The following RUNX1T1 variants were observed in gnomAD, a reference collection of about 807,000 sequenced individuals.
RUNX1T1 encodes the protein RUNX1 partner transcriptional co-repressor 1.
A neutral mutation model predicts 62.8 loss-of-function variants in RUNX1T1; 4 were observed. That is an observed-to-expected ratio of 0.06 (90% CI 0.03 to 0.15). RUNX1T1 has a LOEUF of 0.15. RUNX1T1 is among the 10% of genes least tolerant of loss of function. The pLI is 1.00. For synonymous variants in RUNX1T1, 291 were observed against 286.0 expected, an observed-to-expected ratio of 1.02 and a Z score of -0.18; for missense variants, 508 against 754.3, an observed-to-expected ratio of 0.67 and a Z score of 3.82.
chr8:92,056,326 C>T (rs2130489436), intron 1 of RUNX1T1, among the ~76,000 whole-genome samples: 1 of 152,216 alleles, frequency 6.6e-6, no homozygotes, highest in South Asian at 2.1e-4. Context: ...ATAAAGACAC[C>T]CTCCTACATC....
chr8:91,992,138 G>A (rs762492383), intron 5 of RUNX1T1, among the ~76,000 whole-genome samples: 2 of 152,110 alleles, frequency 1.3e-5, no homozygotes, highest in African/African-American at 4.8e-5. Flanking sequence ...TTCAGTTGAA[G>A]CTCATGTGGT....
intron 10 of RUNX1T1, among the ~76,000 whole-genome samples, chr8:91,963,466 A>G (rs1352061621): frequency 6.7e-6 from 1 of 149,886 alleles, no homozygotes; most frequent in East Asian, 1.9e-4. Flanking sequence ...TTAAAAGCTC[A>G]TTAGAAAACT....
intron 1 of RUNX1T1, among the ~76,000 whole-genome samples, chr8:92,034,286 T>C (rs1356912880): frequency 6.6e-6 from 1 of 152,118 alleles, no homozygotes; most frequent in African/African-American, 2.4e-5. Context: ...AGAGATCACC[T>C]TGGGGAAAAA....
At chr8:91,983,891 T>TG (rs1563669058) in intron 8 of RUNX1T1, among the ~76,000 whole-genome samples, 1 of 152,096 alleles carries the variant, frequency 6.6e-6, no homozygotes, top group East Asian at 1.9e-4. Flanking sequence ...GGATGCACAG[T>TG]GAAAAAAAAC....
At position 92,096,941 on chromosome 8, in the gene RUNX1T1, G is replaced by A. The variant is rs146923607; in HGVS notation, c.-86+2639C>T. 4.6e-3 allele frequency among the ~76,000 whole-genome samples: 699 copies of A among 152,114 alleles called. 5 individuals are homozygous for A. Among genetic ancestry groups the A allele is most frequent in the African/African-American group, 0.012 (497 of 41,496 alleles). ...CCTCCAAATCACTTGGCCAAAAATC[G>A]GTTTTATGTATAGTTGAGCACCGCC... is the stretch of plus-strand genomic sequence containing the variant. On this transcript the variant is annotated intron_variant, in intron 1 of 11. Transcript: ENST00000265814.
chr8:92,074,346 T>G (rs1228737710), intron 2 of RUNX1T1, among the ~76,000 whole-genome samples: 1 of 152,192 alleles, frequency 6.6e-6, no homozygotes, highest in Non-Finnish European at 1.5e-5. Flanking sequence ...CAGAAAGGAA[T>G]AGATTGTGAT....
At chr8:92,070,459 A>G (rs1401580949) in intron 2 of RUNX1T1, among the ~76,000 whole-genome samples, 2 of 152,234 alleles carry the variant, frequency 1.3e-5, no homozygotes, top group Non-Finnish European at 2.9e-5. Flanking sequence ...GAGGATACAC[A>G]TAACACTTAT....
rs1180224992 is a variant in RUNX1T1 at position 92,002,891 on chromosome 8, T to C, written c.659+2225A>G. Among the ~76,000 whole-genome samples, 3 of 152,098 alleles carry C rather than the reference T, an allele frequency of 2.0e-5. No individual in the cohort carries two copies. In the East Asian group the frequency reaches 5.8e-4, roughly 29 times the overall value. ...GAGGAAAATGCATATGCAAACAAGATGCAGAAAATATATGCAAAAAGAAAA... is the reference window on the plus strand; with the variant it reads ...GAGGAAAATGCATATGCAAACAAGACGCAGAAAATATATGCAAAAAGAAAA... On this transcript the variant is annotated intron_variant, in intron 5 of 10. Coordinates refer to ENST00000396218, the Ensembl canonical transcript of RUNX1T1.
intron 1 of RUNX1T1, among the ~76,000 whole-genome samples, chr8:92,029,282 T>C (rs577692764): frequency 1.3e-5 from 2 of 152,294 alleles, no homozygotes; most frequent in African/African-American, 4.8e-5. Context: ...TTCATTTCTA[T>C]AGTGTATCTG....
intron 4 of RUNX1T1, among the ~76,000 whole-genome samples, chr8:92,008,274 A>T (rs1821208513): frequency 6.6e-6 from 1 of 152,032 alleles, no homozygotes; most frequent in Admixed American, 6.6e-5. Context: ...CAGAACGATG[A>T]GGAAGCGGGG....
At chr8:91,969,652 T>C (rs2130598840) in intron 10 of RUNX1T1, among the ~76,000 whole-genome samples, 1 of 152,290 alleles carries the variant, frequency 6.6e-6, no homozygotes. Flanking sequence ...ATCAATTCCT[T>C]TTGTCCCCTT....
At chr8:91,975,805 G>C (rs1813804666) in intron 9 of RUNX1T1, 100 bp downstream of exon 10, 1 of 728,262 alleles carries the variant, frequency 1.4e-6, no homozygotes, top group Non-Finnish European at 2.4e-6. Flanking sequence ...TGTTGTTGTT[G>C]TTAGCAGTAA....
intron 8 of RUNX1T1, among the ~76,000 whole-genome samples, chr8:91,978,629 A>G (rs2130736505): frequency 6.6e-6 from 1 of 152,360 alleles, no homozygotes; most frequent in South Asian, 2.1e-4. Context: ...ATATTTCTAT[A>G]GTTCACAATT....
At chr8:91,976,457 AAT>A (rs200344787) in intron 8 of RUNX1T1, among the ~76,000 whole-genome samples, 1,627 of 152,280 alleles carry the variant, frequency 0.011, 21 homozygotes, top group African/African-American at 0.037. Context: ...TCTCATACTT[AAT>A]TCTTAAAAAT....
chr8:92,036,070 TGAC>T (rs1827361439), intron 1 of RUNX1T1, among the ~76,000 whole-genome samples: 1 of 152,176 alleles, frequency 6.6e-6, no homozygotes, highest in Non-Finnish European at 1.5e-5. Context: ...TAAATTAAGA[TGAC>T]AGTCTAAATT....
chr8:92,024,889 G>GA (rs1415195486), intron 1 of RUNX1T1, among the ~76,000 whole-genome samples: 3 of 152,112 alleles, frequency 2.0e-5, no homozygotes, highest in Admixed American at 1.3e-4. Flanking sequence ...GACAGGACTG[G>GA]AATTTGCCAT....
chr8:91,990,582 TCTCTCATTTTTC>T (rs1817457614), intron 6 of RUNX1T1, among the ~76,000 whole-genome samples: 1 of 152,120 alleles, frequency 6.6e-6, no homozygotes, highest in African/African-American at 2.4e-5. Context: ...GTTCATCTTC[TCTCTCATTTTTC>T]ATGGTAGACA....
At chr8:92,017,190 A>T in intron 2 of RUNX1T1, 36 bp downstream of exon 3, 2 of 1,410,978 alleles carry the variant, frequency 1.4e-6, no homozygotes, top group African/African-American at 1.4e-5. Flanking sequence ...TTTAAACTTT[A>T]AAACTGAAAC....
intron 5 of RUNX1T1, among the ~76,000 whole-genome samples, chr8:91,993,869 G>A (rs1054331733): frequency 1.3e-5 from 2 of 152,088 alleles, no homozygotes; most frequent in African/African-American, 2.4e-5. Context: ...GTGCATGCCT[G>A]TAGTCTCAGT....
Sources: allele counts gnomAD v4.1 joint callset (sites outside exome capture counted in the v4.1 genomes callset), GRCh38; gene constraint gnomAD v4.1.1; transcripts MANE v1.5; gene names NCBI Gene and HGNC (gene_info 2026-07-23, HGNC 2026-07-21).